PTPRQ: variants seen among roughly 807,000 people sequenced by gnomAD.
The protein encoded by PTPRQ is protein tyrosine phosphatase receptor type Q.
A neutral mutation model predicts 246.0 loss-of-function variants in PTPRQ; 199 were observed. That is an observed-to-expected ratio of 0.81 (90% CI 0.72 to 0.91). The LOEUF (loss-of-function observed/expected upper bound fraction) is 0.91, where lower values mean the gene tolerates loss of function less well. Among genes scored for constraint, PTPRQ ranks in the 40% least tolerant of loss-of-function variants. The pLI is 0.00. For missense variants in PTPRQ, 2,624 were observed against 2,528.4 expected (o/e 1.04, Z -0.81); for synonymous variants, 869 against 853.2 (o/e 1.02, Z -0.32).
chr12:80,444,654 T>C (rs1488632366), intron 1 of PTPRQ, 87 bp from the exon 2 acceptor site: 1 of 965,570 alleles, frequency 1.0e-6, no homozygotes. Context: ...AGTGAAGAGT[T>C]AATTTTTGTT....
intron 35 of PTPRQ, among the ~76,000 whole-genome samples, chr12:80,644,873 AGAC>A (rs1900012942): frequency 6.6e-6 from 1 of 152,132 alleles, no homozygotes; most frequent in South Asian, 2.1e-4. Flanking sequence ...AGTATACTAC[AGAC>A]AACAATGAGG....
intron 9 of PTPRQ, among the ~76,000 whole-genome samples, chr12:80,490,517 G>A (rs1053203359): frequency 4.6e-5 from 7 of 151,968 alleles, no homozygotes; most frequent in Admixed American, 6.6e-5. Flanking sequence ...TTGACAAATT[G>A]TGACATTCCC....
intron 9 of PTPRQ, among the ~76,000 whole-genome samples, chr12:80,491,733 A>G (rs1254787678): frequency 6.6e-6 from 1 of 151,966 alleles, no homozygotes; most frequent in African/African-American, 2.4e-5. Context: ...CTGAAATGCC[A>G]TAAAATTTCT....
At chr12:80,610,294 A>C (rs1474276965) in intron 27 of PTPRQ, 145 bp from the exon 28 acceptor site, 1 of 571,998 alleles carries the variant, frequency 1.7e-6, no homozygotes, top group Non-Finnish European at 2.6e-6. Flanking sequence ...ATAGCACTTT[A>C]GATTTCCCAG....
intron 9 of PTPRQ, among the ~76,000 whole-genome samples, chr12:80,490,883 T>TC (rs1441128877): frequency 2.0e-5 from 3 of 152,010 alleles, no homozygotes; most frequent in African/African-American, 7.2e-5. Flanking sequence ...TTACTTTTTT[T>TC]CTCATTATGA....
intron 25 of PTPRQ, among the ~76,000 whole-genome samples, chr12:80,587,237 TTTC>T (rs1000626238): frequency 3.3e-5 from 5 of 152,190 alleles, no homozygotes; most frequent in Non-Finnish European, 5.9e-5. Flanking sequence ...ATTTATTAAT[TTTC>T]TTATTTTAAA....
intron 25 of PTPRQ, 23 bp downstream of exon 25, chr12:80,549,757 C>G: frequency 6.6e-7 from 1 of 1,520,770 alleles, no homozygotes; most frequent in Non-Finnish European, 8.8e-7. Flanking sequence ...AAACAGGTAA[C>G]TAACATGAAA....
At chr12:80,677,476 A>G (rs1901182855) in intron 43 of PTPRQ, among the ~76,000 whole-genome samples, 1 of 152,216 alleles carries the variant, frequency 6.6e-6, no homozygotes, top group South Asian at 2.1e-4. Context: ...TAAATGGTAA[A>G]GGTTGACTAG....
chr12:80,490,595 T>G lies in PTPRQ; in HGVS notation c.1360-2680T>G, dbSNP rs543606814. 4.6e-5 allele frequency among the ~76,000 whole-genome samples: 7 copies of G among 152,068 alleles called. No individual in the cohort carries two copies. In the South Asian group the frequency reaches 1.5e-3, roughly 32 times the overall value. On this transcript the variant is annotated intron_variant, in intron 9 of 44. Coordinates refer to ENST00000644991, the MANE Select transcript of PTPRQ (RefSeq NM_001145026.2). Reference sequence around the variant, plus strand: ...AAACATGTGTTAATCTTTGAAGACATGTTCATTGTCACAACTGAGGTAGCT... The same window carrying G: ...AAACATGTGTTAATCTTTGAAGACAGGTTCATTGTCACAACTGAGGTAGCT...
intron 23 of PTPRQ, among the ~76,000 whole-genome samples, chr12:80,544,062 A>G (rs1896232799): frequency 6.6e-6 from 1 of 152,156 alleles, no homozygotes; most frequent in Non-Finnish European, 1.5e-5. Context: ...TTGTCTCCTC[A>G]GAATGGTGAT....
chr12:80,518,060 C>G (rs780790143), intron 17 of PTPRQ, among the ~76,000 whole-genome samples: 1 of 152,148 alleles, frequency 6.6e-6, no homozygotes, highest in Non-Finnish European at 1.5e-5. Flanking sequence ...ACCTTCCAAA[C>G]TGTTCTCCGT....
intron 6 of PTPRQ, among the ~76,000 whole-genome samples, chr12:80,467,041 A>C (rs1337293697): frequency 1.3e-4 from 19 of 151,920 alleles, no homozygotes. Flanking sequence ...TCTGCATAGC[A>C]AAAGAAACTA....
chr12:80,613,317 C>G (rs563167148), intron 28 of PTPRQ, among the ~76,000 whole-genome samples: 1 of 150,346 alleles, frequency 6.7e-6, no homozygotes, highest in African/African-American at 2.4e-5. Context: ...GACCCTGTCT[C>G]GAAAACAAAC....
chr12:80,455,843 C>T (rs1380783847), intron 3 of PTPRQ, among the ~76,000 whole-genome samples: 1 of 152,062 alleles, frequency 6.6e-6, no homozygotes, highest in Non-Finnish European at 1.5e-5. Flanking sequence ...TCGTGATTCG[C>T]CCACTTCTGC....
At chr12:80,448,607 G>A (rs934886948) in intron 3 of PTPRQ, among the ~76,000 whole-genome samples, 2 of 149,530 alleles carry the variant, frequency 1.3e-5, no homozygotes, top group Non-Finnish European at 3.0e-5. Context: ...TCCCACCTAT[G>A]AGTGAGAATA....
At chr12:80,532,673 C>T (rs1377856740) in intron 17 of PTPRQ, among the ~76,000 whole-genome samples, 1 of 152,062 alleles carries the variant, frequency 6.6e-6, no homozygotes, top group South Asian at 2.1e-4. Context: ...GTTTTAAAAG[C>T]CCCTCTCCTC....
In PTPRQ at chr12:80,539,827, A is replaced by AGT; in HGVS notation, c.3037_3038insGT (p.Thr1013SerfsTer4). 7 of 1,548,330 alleles carry AGT rather than the reference A, an allele frequency of 4.5e-6. No homozygotes were observed. The highest frequency in any genetic ancestry group is 6.1e-6 in the Non-Finnish European group (7 of 1,145,708). ...TGACTTTGACAATATGACTGTATCC[A>AGT]CAATTATAGATAAACTGACAATATT... On this transcript the variant is annotated frameshift_variant, in exon 20 of 45. Transcript: ENST00000644991. LOFTEE classifies it high-confidence loss of function.
intron 38 of PTPRQ, among the ~76,000 whole-genome samples, chr12:80,654,026 T>C (rs1900344203): frequency 6.6e-6 from 1 of 151,790 alleles, no homozygotes; most frequent in South Asian, 2.1e-4. Flanking sequence ...TTTTTTTCTT[T>C]CTTTCTTTTT....
At chr12:80,454,055 A>C (rs1892875074) in intron 3 of PTPRQ, among the ~76,000 whole-genome samples, 1 of 77,588 alleles carries the variant, frequency 1.3e-5, no homozygotes, top group Non-Finnish European at 2.3e-5. Context: ...TTGTTTACCT[A>C]AGCAAGCCTG....
Sources: gnomAD v4.1 joint callset for allele counts (sites outside exome capture counted in the v4.1 genomes callset) on GRCh38, gnomAD v4.1.1 for gene constraint, MANE v1.5 for transcripts, NCBI Gene and HGNC (gene_info 2026-07-23, HGNC 2026-07-21) for gene names.